The following LUZP2 variants were observed in gnomAD, a reference collection of about 807,000 sequenced individuals.
LUZP2 encodes the protein leucine zipper protein 2.
In LUZP2, 52 loss-of-function variants were observed where a neutral mutation model predicts 51.6. That is an observed-to-expected ratio of 1.01 (90% CI 0.81 to 1.27). The LOEUF is 1.27. Among genes scored for constraint, LUZP2 ranks in the 50% most tolerant of loss-of-function variants. The pLI, the probability that LUZP2 is intolerant of heterozygous loss-of-function variation, is 0.00. For synonymous variants in LUZP2, 154 were observed against 137.3 expected, an observed-to-expected ratio of 1.12 and a Z score of -0.85; for missense variants, 436 against 395.4, an observed-to-expected ratio of 1.10 and a Z score of -0.87.
intron 7 of LUZP2, among the ~76,000 whole-genome samples, chr11:24,968,437 G>A (rs1565172199): frequency 6.6e-6 from 1 of 152,158 alleles, no homozygotes. Context: ...ACTCTTTAGT[G>A]CTTAGCTATT....
chr11:25,010,429 T>G (rs908064836), intron 9 of LUZP2, among the ~76,000 whole-genome samples: 4 of 152,010 alleles, frequency 2.6e-5, no homozygotes, highest in Non-Finnish European at 5.9e-5. Flanking sequence ...TCACCTGTCA[T>G]CCTAGCTACT....
chr11:25,063,118 T>C (rs200293949), intron 10 of LUZP2, among the ~76,000 whole-genome samples: 1 of 151,672 alleles, frequency 6.6e-6, no homozygotes. Context: ...ATCAAAAATA[T>C]TTGGGAAAAC....
At chr11:24,738,421 AG>A in intron 4 of LUZP2, 119 bp downstream of exon 4, 2 of 683,206 alleles carry the variant, frequency 2.9e-6, no homozygotes, top group Non-Finnish European at 5.1e-6. Flanking sequence ...AGACAATAAA[AG>A]AAGCATCAGT....
intron 1 of LUZP2, among the ~76,000 whole-genome samples, chr11:24,582,757 GT>G (rs755067640): frequency 1.4e-4 from 21 of 151,806 alleles, no homozygotes; most frequent in Non-Finnish European, 2.4e-4. Context: ...TTTTGTTTTT[GT>G]TTTTGTTTTT....
intron 10 of LUZP2, among the ~76,000 whole-genome samples, chr11:25,057,630 G>C (rs181264906): frequency 1.2e-4 from 18 of 152,176 alleles, no homozygotes; most frequent in Admixed American, 1.1e-3. Context: ...TAGGAATTAA[G>C]AGTTAATATT....
chr11:24,697,883 C>T (rs147115974), intron 1 of LUZP2, among the ~76,000 whole-genome samples: 24 of 152,196 alleles, frequency 1.6e-4, no homozygotes, highest in East Asian at 9.7e-4. Flanking sequence ...AACTGAATGA[C>T]GCCACTTGGA....
chr11:24,812,464 G>C (rs1012045694), intron 5 of LUZP2, among the ~76,000 whole-genome samples: 6 of 152,144 alleles, frequency 3.9e-5, no homozygotes, highest in African/African-American at 1.4e-4. Context: ...TTTGCCAGTT[G>C]CTGTACACAT....
chr11:24,598,567 A>G (rs1020858072), intron 1 of LUZP2, among the ~76,000 whole-genome samples: 1 of 152,094 alleles, frequency 6.6e-6, no homozygotes, highest in African/African-American at 2.4e-5. Context: ...GATTGTGCAA[A>G]TATCTATATC....
chr11:25,056,329 A>T (rs1858683295), intron 10 of LUZP2, among the ~76,000 whole-genome samples: 1 of 152,154 alleles, frequency 6.6e-6, no homozygotes, highest in South Asian at 2.1e-4. Context: ...ATAGTCAGGA[A>T]TTGAGGCATT....
chr11:24,920,003 G>C (rs1853982483), intron 7 of LUZP2, among the ~76,000 whole-genome samples: 1 of 151,776 alleles, frequency 6.6e-6, no homozygotes, highest in Non-Finnish European at 1.5e-5. Flanking sequence ...TCCTTTAAGA[G>C]ATTATAAAGT....
At chr11:24,796,729 T>A (rs543122167) in intron 5 of LUZP2, among the ~76,000 whole-genome samples, 1 of 152,202 alleles carries the variant, frequency 6.6e-6, no homozygotes, top group East Asian at 1.9e-4. Context: ...TATAATACGT[T>A]TTTAAGTGAA....
intron 5 of LUZP2, among the ~76,000 whole-genome samples, chr11:24,777,794 C>T (rs1260420265): frequency 6.6e-6 from 1 of 151,870 alleles, no homozygotes; most frequent in Non-Finnish European, 1.5e-5. Context: ...TTTCATTCTT[C>T]TCTTCTGTGG....
chr11:24,850,689 G>T (rs1482746426), intron 5 of LUZP2, among the ~76,000 whole-genome samples: 1 of 152,096 alleles, frequency 6.6e-6, no homozygotes, highest in African/African-American at 2.4e-5. Flanking sequence ...AGATAGCACT[G>T]AATCTATAAA....
chr11:25,069,802 T>C (rs1859103911), intron 10 of LUZP2, among the ~76,000 whole-genome samples: 1 of 151,910 alleles, frequency 6.6e-6, no homozygotes, highest in African/African-American at 2.4e-5. Flanking sequence ...ATAAATTTTT[T>C]CTTCAATTTA....
In LUZP2 at chr11:24,692,017, A is replaced by T. The variant is rs1857084419; in HGVS notation, c.63-37152A>T. 1.3e-5 allele frequency among the ~76,000 whole-genome samples: 2 copies of T among 152,090 alleles called. 1 individual carries two copies. Among genetic ancestry groups the T allele is most frequent in the South Asian group, 4.1e-4 (2 of 4,834 alleles). On this transcript the variant is annotated intron_variant, in intron 1 of 11. Transcript: ENST00000336930. ...CTAACTAAAATATTATATGTTTTCTAAACTTCACAGATAAAATGATCTCAT... is the reference window on the plus strand; with the variant it reads ...CTAACTAAAATATTATATGTTTTCTTAACTTCACAGATAAAATGATCTCAT...
intron 1 of LUZP2, among the ~76,000 whole-genome samples, chr11:24,499,211 A>C (rs1473355563): frequency 6.6e-6 from 1 of 152,216 alleles, no homozygotes; most frequent in Non-Finnish European, 1.5e-5. Context: ...GCTGGGCTTG[A>C]AAAAGATGAA....
intron 9 of LUZP2, among the ~76,000 whole-genome samples, chr11:25,044,762 A>ATGTT (rs1554960200): frequency 6.6e-6 from 1 of 151,876 alleles, no homozygotes; most frequent in East Asian, 2.0e-4. Context: ...ATGCGCACGT[A>ATGTT]TGTTTATTGC....
In LUZP2 at chr11:24,626,588, A is replaced by G. The variant is rs143220411; in HGVS notation, c.63-102581A>G. 2.5e-3 allele frequency among the ~76,000 whole-genome samples: 387 copies of G among 152,292 alleles called. 2 individuals carry two copies. The highest frequency in any genetic ancestry group is 3.9e-3 in the Non-Finnish European group (266 of 68,016). ...TGAGATGGGAGACCAGAAATCAATG[A>G]AACACACAGACTTTGTAAATGACAT... On this transcript the variant is annotated intron_variant, in intron 1 of 11. Coordinates refer to ENST00000336930, the MANE Select transcript of LUZP2 (RefSeq NM_001009909.4).
At chr11:24,544,866 G>A (rs983282932) in intron 1 of LUZP2, among the ~76,000 whole-genome samples, 3 of 152,026 alleles carry the variant, frequency 2.0e-5, no homozygotes, top group Admixed American at 6.6e-5. Flanking sequence ...TCACCACACT[G>A]TTTTCCACAA....
Sources: gnomAD v4.1 joint callset for allele counts (sites outside exome capture counted in the v4.1 genomes callset) on GRCh38, gnomAD v4.1.1 for gene constraint, MANE v1.5 for transcripts, NCBI Gene and HGNC (gene_info 2026-07-23, HGNC 2026-07-21) for gene names.